The following KLHL14 variants were observed in gnomAD, a reference collection of about 807,000 sequenced individuals.
KLHL14 encodes the protein kelch like family member 14.
In KLHL14, 22 loss-of-function variants were observed where a neutral mutation model predicts 64.3. That is an observed-to-expected ratio of 0.34 (90% CI 0.24 to 0.49). The LOEUF (loss-of-function observed/expected upper bound fraction) is 0.49, where lower values mean the gene tolerates loss of function less well. Among genes scored for constraint, KLHL14 ranks in the 20% least tolerant of loss-of-function variants. KLHL14 has a pLI of 0.99. For missense variants in KLHL14, 661 were observed against 789.0 expected, an observed-to-expected ratio of 0.84 and a Z score of 1.94; for synonymous variants, 322 against 333.4, an observed-to-expected ratio of 0.97 and a Z score of 0.37.
In KLHL14 at chr18:32,755,373, C is replaced by CTA. The variant is rs576416949; in HGVS notation, c.948-13326_948-13325dup. Reference sequence around the variant, plus strand: ...ATTCTCTGAAGCTGAATTGTGGATGCTATACTGTGTGGCTTGAATTATTCT... The same window carrying CTA: ...ATTCTCTGAAGCTGAATTGTGGATGCTATATACTGTGTGGCTTGAATTATTCT... On this transcript the variant is annotated intron_variant, in intron 2 of 8. Coordinates refer to ENST00000359358, the MANE Select transcript of KLHL14 (RefSeq NM_020805.3). 7.8e-3 allele frequency among the ~76,000 whole-genome samples: 1,185 copies of CTA among 152,198 alleles called. 11 individuals are homozygous for CTA. Among genetic ancestry groups the CTA allele is most frequent in the African/African-American group, 0.016 (649 of 41,512 alleles).
chr18:32,693,107 C>T (rs1390898395), intron 4 of KLHL14, among the ~76,000 whole-genome samples: 4 of 152,146 alleles, frequency 2.6e-5, no homozygotes, highest in Non-Finnish European at 4.4e-5. Flanking sequence ...CTCATGGTCA[C>T]GGCGGCTCCT....
intron 5 of KLHL14, among the ~76,000 whole-genome samples, chr18:32,684,419 C>T (rs2144471338): frequency 6.6e-6 from 1 of 152,190 alleles, no homozygotes; most frequent in Non-Finnish European, 1.5e-5. Flanking sequence ...AATCTGTCAG[C>T]ACTGAGTGGG....
chr18:32,712,700 C>T (rs146249862), intron 3 of KLHL14, among the ~76,000 whole-genome samples: 4 of 152,274 alleles, frequency 2.6e-5, no homozygotes, highest in African/African-American at 9.6e-5. Context: ...AAAAAGTTGT[C>T]TTTGCTCAAG....
intron 3 of KLHL14, among the ~76,000 whole-genome samples, chr18:32,733,327 G>A (rs1397576401): frequency 6.6e-6 from 1 of 151,508 alleles, no homozygotes; most frequent in Non-Finnish European, 1.5e-5. Flanking sequence ...GAAATATAAA[G>A]AATATTAGAT....
chr18:32,684,732 T>C (rs2049863542), intron 5 of KLHL14, among the ~76,000 whole-genome samples: 1 of 152,242 alleles, frequency 6.6e-6, no homozygotes, highest in Admixed American at 6.5e-5. Context: ...CTACACAATG[T>C]AAAATTAACT....
chr18:32,738,850 T>C (rs545711371), intron 3 of KLHL14, among the ~76,000 whole-genome samples: 293 of 152,252 alleles, frequency 1.9e-3, no homozygotes, highest in Non-Finnish European at 3.2e-3. Flanking sequence ...ACCCCTTACA[T>C]CGTATTTCTG....
intron 3 of KLHL14, among the ~76,000 whole-genome samples, chr18:32,700,096 A>T (rs1329013359): frequency 6.6e-6 from 1 of 152,142 alleles, no homozygotes; most frequent in Non-Finnish European, 1.5e-5. Context: ...CTCCTCCCAC[A>T]TTTTACATCT....
chr18:32,704,361 C>A (rs2049980078), intron 3 of KLHL14, among the ~76,000 whole-genome samples: 1 of 152,096 alleles, frequency 6.6e-6, no homozygotes, highest in African/African-American at 2.4e-5. Flanking sequence ...CCCACATACT[C>A]AAATATGGGA....
chr18:32,679,626 A>G (rs1420133823), intron 7 of KLHL14, among the ~76,000 whole-genome samples: 2 of 152,302 alleles, frequency 1.3e-5, no homozygotes, highest in South Asian at 4.1e-4. Context: ...TAAAAATGCT[A>G]TGCTTTAAGT....
intron 3 of KLHL14, among the ~76,000 whole-genome samples, chr18:32,723,737 T>C (rs2050091523): frequency 6.6e-6 from 1 of 152,140 alleles, no homozygotes; most frequent in Non-Finnish European, 1.5e-5. Flanking sequence ...TGAGCCCAAT[T>C]GAACAGTGCC....
chr18:32,672,959 T>G lies in KLHL14; in HGVS notation c.*1698A>C, dbSNP rs2049792304. ...ACAGTGACAGTTGACAACAAAAGGT[T>G]CTGAAGCAGACCTCATTCTATTCAT... On this transcript the variant is annotated 3_prime_UTR_variant, in exon 9 of 9. Transcript: ENST00000359358. 6.6e-6 allele frequency: 1 copy of G among 152,628 alleles called. No individual in the cohort carries two copies. Among genetic ancestry groups the G allele is most frequent in the African/African-American group, 2.4e-5 (1 of 41,452 alleles). 9.5% of individuals were successfully genotyped at this position (152,628 alleles called of 1,614,324 possible).
chr18:32,760,365 T>TACACACATAC (rs2050308159), intron 2 of KLHL14, among the ~76,000 whole-genome samples: 1 of 133,332 alleles, frequency 7.5e-6, no homozygotes, highest in Non-Finnish European at 1.6e-5. Context: ...CACACACATA[T>TACACACATAC]ACACACACAC....
At chr18:32,725,062 T>A (rs2050101176) in intron 3 of KLHL14, among the ~76,000 whole-genome samples, 1 of 151,750 alleles carries the variant, frequency 6.6e-6, no homozygotes, top group Admixed American at 6.6e-5. Flanking sequence ...TTGCCCAGGC[T>A]GGAGTGCACT....
intron 3 of KLHL14, among the ~76,000 whole-genome samples, chr18:32,710,118 G>A (rs2050011507): frequency 6.6e-6 from 1 of 152,180 alleles, no homozygotes; most frequent in Non-Finnish European, 1.5e-5. Context: ...GCTATTGTGA[G>A]AATTCAGTTG....
rs1426971526 is a variant in KLHL14, at chr18:32,770,142, G to A, written c.450C>T (p.Ser150=). 1.2e-6 allele frequency: 2 copies of A among 1,614,180 alleles called. No homozygotes were observed. Among genetic ancestry groups the A allele is most frequent in the Non-Finnish European group, 1.7e-6 (2 of 1,180,040 alleles). Residue 150 remains serine, a synonymous_variant, in exon 2 of 9, where the codon TCC becomes TCT. Transcript: ENST00000359358. The surrounding 1 kb of genome is among the most constrained non-coding windows in gnomAD (Gnocchi z 6.7). ...EYLYTANVTL[S]LDTVEEVLSV... ...ACAGCACCTCCTCCACCGTGTCCAG[G>A]GACAGGGTCACGTTGGCCGTGTAGA...
chr18:32,758,994 G>A (rs894337001), intron 2 of KLHL14, among the ~76,000 whole-genome samples: 3 of 152,156 alleles, frequency 2.0e-5, no homozygotes, highest in Admixed American at 6.5e-5. Context: ...GGGTTTTTGG[G>A]GGAGGGAATG....
At chr18:32,741,421 G>A (rs538431439) in intron 3 of KLHL14, among the ~76,000 whole-genome samples, 3 of 152,116 alleles carry the variant, frequency 2.0e-5, no homozygotes, top group Non-Finnish European at 2.9e-5. Context: ...AAATATATCT[G>A]TCCATTCAAA....
chr18:32,770,863 G>A lies in KLHL14; in HGVS notation c.-43-229C>T, dbSNP rs986679930. ...GGGCCCTGTCTGGGGTCCCGGCGCC[G>A]GTTCTGCGCCCTGCGGCTCCTCTCG... On this transcript the variant is annotated intron_variant, in intron 1 of 8. Coordinates refer to ENST00000359358, the MANE Select transcript of KLHL14 (RefSeq NM_020805.3). This position sits in a 1 kb window ranked among gnomAD's most constrained non-coding sequence, Gnocchi z 6.7. The A allele has an allele frequency of 3.4e-4, 159 of 471,108 alleles. No homozygotes were observed. In the East Asian group the frequency reaches 5.7e-3, roughly 17 times the overall value. The allele number at this position is 471,108 out of a possible 1,614,324, so 29.2% of individuals were successfully genotyped here.
At chr18:32,694,223 G>A (rs574283987) in intron 4 of KLHL14, among the ~76,000 whole-genome samples, 1 of 152,310 alleles carries the variant, frequency 6.6e-6, no homozygotes, top group East Asian at 1.9e-4. Context: ...ATGTTCTGCA[G>A]ATTATTTGCT....
Sources: gnomAD v4.1 joint callset for allele counts (sites outside exome capture counted in the v4.1 genomes callset) on GRCh38, gnomAD v4.1.1 for gene constraint, Gnocchi (gnomAD v3.1) non-coding constraint, MANE v1.5 for transcripts, NCBI Gene and HGNC (gene_info 2026-07-23, HGNC 2026-07-21) for gene names.